The following ANKRD24 variants were observed in gnomAD, a reference collection of about 807,000 sequenced individuals.
The protein encoded by ANKRD24 is ankyrin repeat domain 24, also known as ankyrin repeat domain-containing protein 24.
ANKRD24 carries 109 observed loss-of-function variants against 127.8 expected under a neutral mutation model. The observed-to-expected ratio is 0.85, with a 90% CI of 0.73 to 1.00. The LOEUF (loss-of-function observed/expected upper bound fraction) is 1.00. Among genes scored for constraint, ANKRD24 ranks in the 50% least tolerant of loss-of-function variants. The probability of loss-of-function intolerance (pLI) is 0.00; values close to 1 mark genes in which losing one functional copy is unlikely to be tolerated. For synonymous variants in ANKRD24, 743 were observed against 671.1 expected (o/e 1.11, Z -1.66); for missense variants, 1,648 against 1,570.2 (o/e 1.05, Z -0.84).
chr19:4,198,447 T>G lies in ANKRD24; in HGVS notation c.37-1236T>G, dbSNP rs1357504267. 1.7e-5 allele frequency: 10 copies of G among 602,966 alleles called. No homozygotes were observed. The highest frequency in any genetic ancestry group is 1.6e-4 in the Admixed American group (6 of 37,514). The allele number at this position is 602,966 out of a possible 1,614,324, so 37.4% of individuals were successfully genotyped here. A position where few individuals can be genotyped will look rare whatever the true frequency, so the allele number is the denominator to read the frequency against. ...CCCTCCAGACCCTCTGGCCGCCGCC[T>G]CCTCTTGGAACCCCGTGCGCCCCCC... On this transcript the variant is annotated intron_variant, in intron 2 of 21. Transcript: ENST00000318934. The surrounding 1 kb of genome is among the most constrained non-coding windows in gnomAD (Gnocchi z 6.1).
intron 18 of ANKRD24, among the ~76,000 whole-genome samples, chr19:4,219,279 C>G (rs1476607803): frequency 7.1e-6 from 1 of 140,344 alleles, no homozygotes; most frequent in Non-Finnish European, 1.6e-5. Context: ...GAGCAAGACT[C>G]TGTCTCAAAA....
Position 4,210,336 on chromosome 19 carries a change from G to C in ANKRD24, c.1023G>C (p.Arg341=). ...QERGRLLQKI[R]GLEQHKERRQ... is the part of the protein sequence containing the mutation. ...GGGGCCGCCTCCTGCAGAAGATCCG[G>C]GGCCTGGAACAGCACAAGGAACGGA... The change falls in exon 13 of 22, where the codon CGG becomes CGC. Residue 341 remains arginine (R), a synonymous_variant. Transcript: ENST00000318934. The C allele has an allele frequency of 6.3e-7, 1 of 1,575,772 alleles. No homozygotes were observed. Among genetic ancestry groups the C allele is most frequent in the Non-Finnish European group, 8.6e-7 (1 of 1,161,344 alleles).
At position 4,182,823 on chromosome 19, in the gene ANKRD24, A is replaced by C. The variant is rs965603889; in HGVS notation, c.-37+83A>C. ...CCGCCTACGTGAGAGTTCTCCAGTC[A>C]CCTCTAAAATGCGGGACACAGGCTA... On this transcript the variant is annotated intron_variant, in intron 1 of 21. Coordinates refer to ENST00000318934, the MANE Select transcript of ANKRD24 (RefSeq NM_001393985.1). 3.5e-6 allele frequency: 3 copies of C among 847,810 alleles called. No homozygotes were observed. In the African/African-American group the frequency reaches 5.5e-5, roughly 16 times the overall value. The allele number at this position is 847,810 out of a possible 1,614,324, so 52.5% of individuals were successfully genotyped here.
rs372927695 is a variant in ANKRD24, at chr19:4,216,857, C to T, written c.1697C>T (p.Ala566Val). The T allele has an allele frequency of 3.3e-5, 53 of 1,610,812 alleles. No individual in the cohort carries two copies. The highest frequency in any genetic ancestry group is 4.1e-5 in the Non-Finnish European group (48 of 1,178,758). ...GGAGCCGAGACCATAGATGAGGAGG[C>T]TGCAGGAGATGAAACCATGGAAGCC... ...VNGAETIDEE[A>V]AGDETMEART... The change falls in exon 18 of 22, where the codon GCT becomes GTT. Residue 566 changes from alanine (A) to valine (V), a missense_variant. Physicochemically the swap from Ala to Val is moderately conservative, Grantham distance 64. Coordinates refer to ENST00000318934, the MANE Select transcript of ANKRD24 (RefSeq NM_001393985.1).
At chr19:4,208,713 C>G in intron 10 of ANKRD24, 51 bp from the exon 11 acceptor site, 1 of 1,585,834 alleles carries the variant, frequency 6.3e-7, no homozygotes, top group Non-Finnish European at 8.6e-7. Flanking sequence ...CACCAATGCC[C>G]TTCCTGGGCC....
In ANKRD24 at chr19:4,224,472, G is replaced by A; in HGVS notation, c.3408G>A (p.Leu1136=). The part of the protein sequence containing the change: ...EDVQRILSQI[L]QMQRLQAQGR ...TGCAGCGGATTCTCAGCCAGATTCT[G>A]CAGATGCAGAGACTCCAGGCTCAGG... Residue 1136 remains leucine (L), a synonymous_variant, in exon 22 of 22, where the codon CTG becomes CTA. Coordinates refer to ENST00000318934, the MANE Select transcript of ANKRD24 (RefSeq NM_001393985.1). The A allele has an allele frequency of 6.2e-7, 1 of 1,612,502 alleles. No homozygotes were observed.
intron 15 of ANKRD24, among the ~76,000 whole-genome samples, chr19:4,215,088 C>G (rs1048450057): frequency 2.0e-5 from 3 of 152,184 alleles, no homozygotes; most frequent in African/African-American, 7.2e-5. Flanking sequence ...GGCACATAGG[C>G]CAGGAAGCTG....
chr19:4,212,472 C>T lies in ANKRD24; in HGVS notation c.1060-3C>T. ...AAACCCCTGTCCCTGTTTCTCCCGT[C>T]AGTCCCCGGAGGCCAGCTCCCTGCA... On this transcript the variant is annotated splice_region_variant and splice_polypyrimidine_tract_variant and intron_variant, in intron 13 of 21. Transcript: ENST00000318934. 6.3e-7 allele frequency: 1 copy of T among 1,575,908 alleles called. No homozygotes were observed. Among genetic ancestry groups the T allele is most frequent in the Non-Finnish European group, 8.6e-7 (1 of 1,162,912 alleles).
At chr19:4,205,947 C>T (rs549498864) in intron 7 of ANKRD24, among the ~76,000 whole-genome samples, 44 of 150,368 alleles carry the variant, frequency 2.9e-4, no homozygotes, top group African/African-American at 1.1e-3. Context: ...TCGAGACCAT[C>T]CTGGCTAACA....
chr19:4,202,884 GAC>G lies in ANKRD24; in HGVS notation c.425_426del (p.Asp142GlyfsTer29). 1 of 1,590,966 alleles carries G rather than the reference GAC, an allele frequency of 6.3e-7. No individual in the cohort carries two copies. The highest frequency in any genetic ancestry group is 8.6e-7 in the Non-Finnish European group (1 of 1,169,000). ...KQLLQASCVVDVVDSSGWTAL... is the reference protein window; with the variant it reads ...KQLLQASCVVXVVDSSGWTAL... The stretch of plus-strand genomic sequence containing the variant: ...CCATCCCCAGGCTTCCTGCGTGGTG[GAC>G]GTCGTGGACAGCAGCGGGTGGACTG... On this transcript the variant is annotated frameshift_variant, in exon 7 of 22. Transcript: ENST00000318934. LOFTEE classifies it high-confidence loss of function.
Position 4,213,254 on chromosome 19 carries a change from C to T in ANKRD24, c.1197+556C>T, listed in dbSNP as rs555232269. ...CCTTCCCTCCCTCCTTCCTTCCTTT[C>T]CTTCTTTCCTTTCCTTCCTTCCTTC... On this transcript the variant is annotated intron_variant, in intron 15 of 21. Coordinates refer to ENST00000318934, the MANE Select transcript of ANKRD24 (RefSeq NM_001393985.1). Among the ~76,000 whole-genome samples, 3 of 93,136 alleles carry T rather than the reference C, an allele frequency of 3.2e-5. No individual in the cohort carries two copies. In the South Asian group the frequency reaches 1.2e-3, roughly 39 times the overall value. The allele number at this position is 93,136 out of a possible 152,430, so 61.1% of individuals were successfully genotyped here.
At position 4,198,013 on chromosome 19, in the gene ANKRD24, G is replaced by A; in HGVS notation, c.37-1670G>A. ...AATGAATGAGTGAATGAATGAAAGT[G>A]TGAGTGGCGAGAGCCCTGCCGGCCG... On this transcript the variant is annotated intron_variant, in intron 2 of 21. Coordinates refer to ENST00000318934, the MANE Select transcript of ANKRD24 (RefSeq NM_001393985.1). This position sits in a 1 kb window ranked among gnomAD's most constrained non-coding sequence, Gnocchi z 6.1. 1 of 407,658 alleles carries A rather than the reference G, an allele frequency of 2.5e-6. No individual in the cohort carries two copies. The highest frequency in any genetic ancestry group is 4.3e-6 in the Non-Finnish European group (1 of 230,504). The allele number at this position is 407,658 out of a possible 1,614,324, so 25.3% of individuals were successfully genotyped here.
At chr19:4,220,248 C>T (rs1043505456) in intron 19 of ANKRD24, among the ~76,000 whole-genome samples, 8 of 152,338 alleles carry the variant, frequency 5.3e-5, no homozygotes, top group African/African-American at 1.9e-4. Flanking sequence ...GCTGGGGTTA[C>T]AGGCGTGAGC....
chr19:4,207,293 A>C lies in ANKRD24; in HGVS notation c.518A>C (p.His173Pro). 7 of 1,613,828 alleles carry C rather than the reference A, an allele frequency of 4.3e-6. No individual in the cohort carries two copies. The highest frequency in any genetic ancestry group is 5.1e-6 in the Non-Finnish European group (6 of 1,179,846). The change falls in exon 8 of 22, where the codon CAT becomes CCT. Residue 173 changes from histidine to proline, a missense_variant. Transcript: ENST00000318934. Reference sequence around the variant, plus strand: ...GAGGTGCTCTGCTCCTTTAAGGCACATCTAAACCCCCAAGATCGGGTAAGC... The same window carrying C: ...GAGGTGCTCTGCTCCTTTAAGGCACCTCTAAACCCCCAAGATCGGGTAAGC... ...CSEVLCSFKA[H>P]LNPQDRSGAT... is the part of the protein sequence containing the mutation.
chr19:4,210,158 C>A lies in ANKRD24; in HGVS notation c.951+20C>A. 6.3e-7 allele frequency: 1 copy of A among 1,593,264 alleles called. No homozygotes were observed. Among genetic ancestry groups the A allele is most frequent in the Non-Finnish European group, 8.5e-7 (1 of 1,170,224 alleles). On this transcript the variant is annotated intron_variant, in intron 12 of 21. Transcript: ENST00000318934. ...ATGCCGGTGAGAGATGCTCTGGGCACGGGAGGAGGCATGGGGAGCCCCCAG... is the reference window on the plus strand; with the variant it reads ...ATGCCGGTGAGAGATGCTCTGGGCAAGGGAGGAGGCATGGGGAGCCCCCAG...
chr19:4,183,441 C>T (rs1255761625), intron 1 of ANKRD24: 6 of 768,954 alleles, frequency 7.8e-6, no homozygotes, highest in African/African-American at 1.9e-5. Flanking sequence ...ACCATCTATG[C>T]CCTGGTGGCT....
chr19:4,187,343 G>A (rs1229017299), intron 2 of ANKRD24, among the ~76,000 whole-genome samples: 2 of 152,036 alleles, frequency 1.3e-5, no homozygotes, highest in African/African-American at 4.8e-5. Context: ...AACCTGGGAG[G>A]TGGAGGTTGC....
intron 20 of ANKRD24, among the ~76,000 whole-genome samples, chr19:4,223,372 C>CATACATATATATATATATATAT (rs1490877860): frequency 2.3e-4 from 17 of 72,896 alleles, no homozygotes; most frequent in African/African-American, 1.2e-3. Context: ...CCTGGCCATA[C>CATACATATATATATATATATAT]ATATATATAT....
chr19:4,208,599 C>G (rs1417214878), intron 10 of ANKRD24, among the ~76,000 whole-genome samples, 165 bp from the exon 11 acceptor site: 1 of 151,966 alleles, frequency 6.6e-6, no homozygotes, highest in Non-Finnish European at 1.5e-5. Flanking sequence ...CTCTTTTTAA[C>G]AGTCCCAAGT....
Sources: allele counts gnomAD v4.1 joint callset (sites outside exome capture counted in the v4.1 genomes callset), GRCh38; gene constraint gnomAD v4.1.1; non-coding constraint Gnocchi (gnomAD v3.1); transcripts MANE v1.5; gene names NCBI Gene and HGNC (gene_info 2026-07-23, HGNC 2026-07-21).